The following ADCY1 variants were observed in gnomAD, a reference collection of about 807,000 sequenced individuals.
ADCY1 encodes the protein adenylate cyclase type 1.
A neutral mutation model predicts 105.4 loss-of-function variants in ADCY1; 28 were observed. That is an observed-to-expected ratio of 0.27 (90% CI 0.20 to 0.36). The LOEUF (loss-of-function observed/expected upper bound fraction) is 0.36. Ranked by LOEUF, ADCY1 falls within the 10% of genes least tolerant of loss-of-function variation. The pLI, the probability that ADCY1 is intolerant of heterozygous loss-of-function variation, is 1.00. For synonymous variants in ADCY1, 655 were observed against 623.8 expected (o/e 1.05, Z -0.75); for missense variants, 977 against 1,434.2 (o/e 0.68, Z 5.15).
chr7:45,678,919 T>C (rs1032308217), intron 10 of ADCY1, among the ~76,000 whole-genome samples: 2 of 151,842 alleles, frequency 1.3e-5, no homozygotes, highest in Non-Finnish European at 2.9e-5. Context: ...ACAATAACTT[T>C]TGAGAAGAAA....
chr7:45,707,493 A>G (rs987916416), intron 17 of ADCY1, among the ~76,000 whole-genome samples: 4 of 152,218 alleles, frequency 2.6e-5, no homozygotes, highest in African/African-American at 9.6e-5. Context: ...TAGAGACTGT[A>G]AAAGGATTAG....
At chr7:45,631,401 A>C (rs1291511940) in intron 4 of ADCY1, among the ~76,000 whole-genome samples, 2 of 152,246 alleles carry the variant, frequency 1.3e-5, no homozygotes, top group East Asian at 3.8e-4. Context: ...TGCTCTGTGC[A>C]GGAAACTGCT....
At chr7:45,690,674 A>AT (rs1362609730) in intron 14 of ADCY1, among the ~76,000 whole-genome samples, 1 of 152,100 alleles carries the variant, frequency 6.6e-6, no homozygotes, top group African/African-American at 2.4e-5. Context: ...GATACAGCAC[A>AT]TACCTGCCCT....
Position 45,596,782 on chromosome 7 carries a change from G to C in ADCY1, c.789+3874G>C, listed in dbSNP as rs1000584936. Among the ~76,000 whole-genome samples, 4 of 152,202 alleles carry C rather than the reference G, an allele frequency of 2.6e-5. No homozygotes were observed. The South Asian group carries it at 8.3e-4, about 32-fold the overall frequency. On this transcript the variant is annotated intron_variant, in intron 2 of 19. Coordinates refer to ENST00000297323, the MANE Select transcript of ADCY1 (RefSeq NM_021116.4). Reference sequence around the variant, plus strand: ...CTGGAAGGAGATGGCTTGACCGGTAGAGAGTGGGGCAGGGCTGGCTCCTGT... The same window carrying C: ...CTGGAAGGAGATGGCTTGACCGGTACAGAGTGGGGCAGGGCTGGCTCCTGT...
chr7:45,620,380 T>C (rs931521337), intron 3 of ADCY1, among the ~76,000 whole-genome samples: 1 of 152,010 alleles, frequency 6.6e-6, no homozygotes, highest in Admixed American at 6.6e-5. Flanking sequence ...TTATCCAGTG[T>C]GAAGAACAGA....
At position 45,717,484 on chromosome 7, in the gene ADCY1, C is replaced by T. The variant is rs1213746024; in HGVS notation, c.*3489C>T. 2.6e-5 allele frequency: 4 copies of T among 152,668 alleles called. No individual in the cohort carries two copies. Among genetic ancestry groups the T allele is most frequent in the Admixed American group, 2.0e-4 (3 of 15,288 alleles). The allele number at this position is 152,668 out of a possible 1,614,324, so 9.5% of individuals were successfully genotyped here. On this transcript the variant is annotated 3_prime_UTR_variant, in exon 20 of 20. Transcript: ENST00000297323. ...TTCATGTACAAATGTTAGAGCCATTCGGGTAGGATTCTCTCTAAATTATTT... is the reference window on the plus strand; with the variant it reads ...TTCATGTACAAATGTTAGAGCCATTTGGGTAGGATTCTCTCTAAATTATTT...
intron 2 of ADCY1, among the ~76,000 whole-genome samples, chr7:45,603,358 G>A (rs1042492691): frequency 1.5e-4 from 23 of 152,164 alleles, no homozygotes; most frequent in Non-Finnish European, 5.9e-5. Flanking sequence ...GTAACTCTAT[G>A]GTTAGCATTT....
At chr7:45,694,778 A>C (rs1343587521) in intron 14 of ADCY1, among the ~76,000 whole-genome samples, 1 of 152,240 alleles carries the variant, frequency 6.6e-6, no homozygotes, top group East Asian at 1.9e-4. Context: ...CTCCTGAGGC[A>C]AAACCCTTTT....
At chr7:45,577,939 A>G (rs975626893) in intron 1 of ADCY1, among the ~76,000 whole-genome samples, 1 of 152,230 alleles carries the variant, frequency 6.6e-6, no homozygotes, top group Non-Finnish European at 1.5e-5. Context: ...GCCTGGGTTC[A>G]AGTCCCTGCT....
intron 14 of ADCY1, among the ~76,000 whole-genome samples, chr7:45,692,908 A>G (rs185823113): frequency 1.3e-5 from 2 of 152,352 alleles, no homozygotes; most frequent in Admixed American, 6.5e-5. Context: ...AAGAAATTAA[A>G]TGTTGGTCAA....
intron 8 of ADCY1, among the ~76,000 whole-genome samples, chr7:45,671,494 C>T (rs2116163179): frequency 6.6e-6 from 1 of 152,236 alleles, no homozygotes; most frequent in South Asian, 2.1e-4. Context: ...TCATAAACTG[C>T]CGAACTGTTT....
At chr7:45,637,974 G>C (rs985191499) in intron 4 of ADCY1, among the ~76,000 whole-genome samples, 61 of 152,050 alleles carry the variant, frequency 4.0e-4, no homozygotes, top group South Asian at 6.2e-4. Context: ...GTCTTTCTTT[G>C]TTTGAAATAG....
At chr7:45,711,411 C>T (rs1212393436) in intron 19 of ADCY1, among the ~76,000 whole-genome samples, 1 of 152,042 alleles carries the variant, frequency 6.6e-6, no homozygotes, top group Non-Finnish European at 1.5e-5. Flanking sequence ...GAGCTCTCCT[C>T]TCCTGCTCAA....
intron 8 of ADCY1, among the ~76,000 whole-genome samples, chr7:45,669,630 C>T (rs780237048): frequency 5.9e-5 from 9 of 151,938 alleles, no homozygotes; most frequent in Non-Finnish European, 8.8e-5. Context: ...GAGAGTTCTG[C>T]GTATTTTCTT....
chr7:45,686,524 T>A lies in ADCY1; in HGVS notation c.2328-23T>A, dbSNP rs1208181283. ...CCTGGAAGCTCGGCACTGACTTGGC[T>A]TTTCTTCCTCATCTTCCCCCAGGGG... On this transcript the variant is annotated intron_variant, in intron 13 of 19. Transcript: ENST00000297323. This position sits in a 1 kb window ranked among gnomAD's most constrained non-coding sequence, Gnocchi z 4.3. The A allele has an allele frequency of 2.5e-6, 4 of 1,600,468 alleles. No individual in the cohort carries two copies. In the South Asian group the frequency reaches 4.5e-5, roughly 18 times the overall value.
chr7:45,589,409 C>T (rs1792839448), intron 1 of ADCY1, among the ~76,000 whole-genome samples: 1 of 152,212 alleles, frequency 6.6e-6, no homozygotes, highest in East Asian at 1.9e-4. Context: ...CAGGCCCCTG[C>T]AGCCCTCATC....
chr7:45,665,590 C>T (rs964447861), intron 8 of ADCY1, among the ~76,000 whole-genome samples: 2 of 152,258 alleles, frequency 1.3e-5, no homozygotes, highest in Non-Finnish European at 2.9e-5. Flanking sequence ...GCAACATCCA[C>T]ACATGATACA....
At chr7:45,638,359 A>T (rs1185329448) in intron 4 of ADCY1, among the ~76,000 whole-genome samples, 1 of 151,984 alleles carries the variant, frequency 6.6e-6, no homozygotes, top group Non-Finnish European at 1.5e-5. Context: ...CATTAATTTT[A>T]TCCAGTATAG....
chr7:45,660,237 A>G, intron 7 of ADCY1, 54 bp downstream of exon 7: 1 of 1,600,588 alleles, frequency 6.2e-7, no homozygotes, highest in Non-Finnish European at 8.5e-7. Flanking sequence ...TGGCCTGTGC[A>G]GAGCTTTACA....
Sources: gnomAD v4.1 joint callset for allele counts (sites outside exome capture counted in the v4.1 genomes callset) on GRCh38, gnomAD v4.1.1 for gene constraint, Gnocchi (gnomAD v3.1) non-coding constraint, MANE v1.5 for transcripts, NCBI Gene and HGNC (gene_info 2026-07-23, HGNC 2026-07-21) for gene names.